The following ATG4C variants were observed in gnomAD, a reference collection of about 807,000 sequenced individuals.
The protein encoded by ATG4C is cysteine protease ATG4C.
A neutral mutation model predicts 57.6 loss-of-function variants in ATG4C; 56 were observed. That is an observed-to-expected ratio of 0.97 (90% CI 0.78 to 1.21). The LOEUF (loss-of-function observed/expected upper bound fraction) is 1.21. ATG4C is among the 50% of genes most tolerant of loss of function. The pLI is 0.00. For synonymous variants in ATG4C, 157 were observed against 174.1 expected, an observed-to-expected ratio of 0.90 and a Z score of 0.78; for missense variants, 595 against 529.8, an observed-to-expected ratio of 1.12 and a Z score of -1.21.
intron 1 of ATG4C, among the ~76,000 whole-genome samples, chr1:62,798,884 C>G (rs923267804): frequency 1.3e-5 from 2 of 152,084 alleles, no homozygotes; most frequent in Non-Finnish European, 1.5e-5. Context: ...ACCTCGTGAT[C>G]CACCCACCTT....
At chr1:62,844,807 T>A (rs967224908) in intron 10 of ATG4C, among the ~76,000 whole-genome samples, 1 of 152,054 alleles carries the variant, frequency 6.6e-6, no homozygotes, top group Non-Finnish European at 1.5e-5. Context: ...TTTATTAAAT[T>A]TTTTGTTAAT....
intron 3 of ATG4C, among the ~76,000 whole-genome samples, chr1:62,807,317 T>G (rs1259660496): frequency 6.6e-6 from 1 of 152,154 alleles, no homozygotes; most frequent in Non-Finnish European, 1.5e-5. Flanking sequence ...CTTAACAATT[T>G]GCTGAGTGAT....
chr1:62,786,613 A>G (rs1201555373), intron 1 of ATG4C, among the ~76,000 whole-genome samples: 1 of 151,794 alleles, frequency 6.6e-6, no homozygotes, highest in Non-Finnish European at 1.5e-5. Context: ...TTTTTGGACT[A>G]TATATAAGTA....
chr1:62,850,545 C>G (rs950415938), intron 10 of ATG4C, among the ~76,000 whole-genome samples: 1 of 152,010 alleles, frequency 6.6e-6, no homozygotes, highest in East Asian at 1.9e-4. Flanking sequence ...TGAACTCATT[C>G]CCTACCATTT....
chr1:62,803,003 T>C (rs1557962333), intron 1 of ATG4C, among the ~76,000 whole-genome samples: 1 of 152,208 alleles, frequency 6.6e-6, no homozygotes. Context: ...TGTGAATTAT[T>C]GCAAATAAGC....
intron 1 of ATG4C, among the ~76,000 whole-genome samples, chr1:62,793,119 C>T (rs1159728914): frequency 6.6e-6 from 1 of 151,620 alleles, no homozygotes; most frequent in Non-Finnish European, 1.5e-5. Context: ...ATCTCCTGAC[C>T]TCATGATTCG....
chr1:62,829,045 A>G lies in ATG4C; in HGVS notation c.802A>G (p.Asn268Asp), dbSNP rs754157177. The G allele has an allele frequency of 1.2e-6, 2 of 1,603,946 alleles. No individual in the cohort carries two copies. The highest frequency in any genetic ancestry group is 2.7e-5 in the African/African-American group (2 of 74,390). ...IYVAQDCTVY[N>D]SDVIDKQSAS... The stretch of plus-strand genomic sequence containing the variant: ...ATTCATTATGTTTTTCTCAGTTTAC[A>G]ATTCTGATGTAATTGATAAACAGAG... Residue 268 changes from asparagine to aspartate, a missense_variant, in exon 7 of 11, where the codon AAT becomes GAT. Physicochemically the swap from Asn to Asp is conservative, Grantham distance 23. Coordinates refer to ENST00000317868, the MANE Select transcript of ATG4C (RefSeq NM_032852.4).
chr1:62,803,691 T>G (rs1018807611), intron 1 of ATG4C, 28 bp from the exon 2 acceptor site: 5 of 738,020 alleles, frequency 6.8e-6, no homozygotes, highest in Non-Finnish European at 1.1e-5. Flanking sequence ...ATGTAGTAAT[T>G]ACTGATTTTT....
chr1:62,834,435 A>G (rs1665934455), intron 8 of ATG4C, among the ~76,000 whole-genome samples: 1 of 152,124 alleles, frequency 6.6e-6, no homozygotes, highest in Non-Finnish European at 1.5e-5. Flanking sequence ...CAAGTAGATG[A>G]TAAAATGACA....
At position 62,833,173 on chromosome 1, in the gene ATG4C, C is replaced by A. The variant is rs1665894481; in HGVS notation, c.934-865C>A. Among the ~76,000 whole-genome samples, 3 of 152,170 alleles carry A rather than the reference C, an allele frequency of 2.0e-5. No homozygotes were observed. The South Asian group carries it at 6.2e-4, about 32-fold the overall frequency. ...TTATATCTTAGAGATTTCAAAACAT[C>A]CTCTCATTTAAGAGAAGGAAAGCTT... On this transcript the variant is annotated intron_variant, in intron 7 of 10. Coordinates refer to ENST00000317868, the MANE Select transcript of ATG4C (RefSeq NM_032852.4).
chr1:62,810,002 A>G (rs1000444967), intron 3 of ATG4C, among the ~76,000 whole-genome samples: 2 of 151,276 alleles, frequency 1.3e-5, no homozygotes, highest in African/African-American at 4.9e-5. Flanking sequence ...GAGAAATTTG[A>G]GAGTACCTAG....
intron 10 of ATG4C, among the ~76,000 whole-genome samples, chr1:62,862,750 A>G: frequency 6.6e-6 from 1 of 152,144 alleles, no homozygotes; most frequent in Non-Finnish European, 1.5e-5. Context: ...TCATTGAAAT[A>G]TTTTTAATTT....
chr1:62,796,935 C>T (rs888554776), intron 1 of ATG4C, among the ~76,000 whole-genome samples: 2 of 152,018 alleles, frequency 1.3e-5, no homozygotes, highest in Admixed American at 1.3e-4. Flanking sequence ...TGGTGAAACC[C>T]CGTCTCTACT....
chr1:62,821,254 C>G (rs371292038), intron 6 of ATG4C, 45 bp downstream of exon 6: 9 of 1,321,192 alleles, frequency 6.8e-6, no homozygotes. Context: ...TTTGGTCATA[C>G]TTTTTATATG....
At chr1:62,815,432 A>T (rs72669565) in intron 3 of ATG4C, among the ~76,000 whole-genome samples, 39 of 152,126 alleles carry the variant, frequency 2.6e-4, no homozygotes, top group Non-Finnish European at 5.0e-4. Context: ...TTACTTATTT[A>T]TATGTTATAC....
chr1:62,830,428 T>G (rs995502701), intron 7 of ATG4C, among the ~76,000 whole-genome samples: 2 of 152,176 alleles, frequency 1.3e-5, no homozygotes, highest in African/African-American at 4.8e-5. Flanking sequence ...TAGAAACTGA[T>G]GCAGTCTTGG....
chr1:62,856,176 C>A (rs1415601716), intron 10 of ATG4C, among the ~76,000 whole-genome samples: 1 of 152,178 alleles, frequency 6.6e-6, no homozygotes, highest in Non-Finnish European at 1.5e-5. Flanking sequence ...TTTTTGAAAT[C>A]ACTTTAGTGT....
At chr1:62,859,237 C>G (rs1327979127) in intron 10 of ATG4C, among the ~76,000 whole-genome samples, 1 of 151,920 alleles carries the variant, frequency 6.6e-6, no homozygotes, top group Admixed American at 6.6e-5. Flanking sequence ...GATGCTGAAC[C>G]AGTAAGTATA....
intron 6 of ATG4C, among the ~76,000 whole-genome samples, chr1:62,821,881 T>C (rs955271269): frequency 6.6e-6 from 1 of 152,140 alleles, no homozygotes; most frequent in Admixed American, 6.5e-5. Context: ...CTATTTTTAA[T>C]AATTTTATGC....
Sources: gnomAD v4.1 joint callset for allele counts (sites outside exome capture counted in the v4.1 genomes callset) on GRCh38, gnomAD v4.1.1 for gene constraint, MANE v1.5 for transcripts, NCBI Gene and HGNC (gene_info 2026-07-23, HGNC 2026-07-21) for gene names.